HEXA: variants seen among roughly 807,000 people sequenced by gnomAD.
The protein encoded by HEXA is hexosaminidase subunit alpha.
In HEXA, 54 loss-of-function variants were observed where a neutral mutation model predicts 73.3. The ratio of observed to expected loss-of-function variants is 0.74; its 90% CI spans 0.59 to 0.92. HEXA has a LOEUF of 0.92. HEXA is among the 40% of genes least tolerant of loss of function. The pLI is 0.00. For missense variants in HEXA, 649 were observed against 653.0 expected, an observed-to-expected ratio of 0.99 and a Z score of 0.07; for synonymous variants, 230 against 246.9, an observed-to-expected ratio of 0.93 and a Z score of 0.64.
chr15:72,346,259 T>C lies in HEXA; in HGVS notation c.1397A>G (p.Asn466Ser), dbSNP rs200936836. 4.3e-5 allele frequency: 69 copies of C among 1,613,810 alleles called. No individual in the cohort carries two copies. The highest frequency in any genetic ancestry group is 1.2e-5 in the Non-Finnish European group (14 of 1,179,880). Residue 466 changes from asparagine to serine, a missense_variant, in exon 12 of 14, where the codon AAC becomes AGC. By Grantham distance (46) the Asn-to-Ser change is conservative. Coordinates refer to ENST00000268097, the MANE Select transcript of HEXA (RefSeq NM_000520.6). ...EACMWGEYVD[N>S]TNLVPRLWPR... The stretch of plus-strand genomic sequence containing the variant: ...CCAGAGCCTGGGGACCAGGTTTGTG[T>C]TGTCCACATATTCTCCCCACATACA...
chr15:72,370,448 G>A (rs542793918), intron 1 of HEXA: 17 of 392,290 alleles, frequency 4.3e-5, no homozygotes, highest in Middle Eastern at 6.4e-4. Context: ...CTCAGCACTC[G>A]GGGAGGCCGA....
intron 1 of HEXA, chr15:72,359,720 G>T (rs1463012765): frequency 4.5e-4 from 16 of 35,876 alleles, no homozygotes; most frequent in Non-Finnish European, 9.4e-4. Flanking sequence ...AAAAAAAAAA[G>T]AGTAGTACAT....
intron 1 of HEXA, among the ~76,000 whole-genome samples, chr15:72,367,445 G>A (rs1567304986): frequency 6.6e-6 from 1 of 152,070 alleles, no homozygotes. Flanking sequence ...AGTTTTCTCT[G>A]TCCTTACAGC....
intron 1 of HEXA, among the ~76,000 whole-genome samples, chr15:72,375,011 G>A (rs1374974089): frequency 6.6e-6 from 1 of 151,562 alleles, no homozygotes; most frequent in Non-Finnish European, 1.5e-5. Context: ...CCAAGTGGCC[G>A]CTGGAAACTC....
intron 1 of HEXA, among the ~76,000 whole-genome samples, chr15:72,366,714 A>G (rs1325684270): frequency 6.6e-6 from 1 of 151,888 alleles, no homozygotes; most frequent in East Asian, 1.9e-4. Context: ...GAACTAACCC[A>G]TGTTCTGGCT....
chr15:72,364,292 C>CA (rs1473124926), intron 1 of HEXA, among the ~76,000 whole-genome samples: 1 of 150,862 alleles, frequency 6.6e-6, no homozygotes, highest in Non-Finnish European at 1.5e-5. Context: ...AAACAAAAAA[C>CA]AAAAACAGAA....
At chr15:72,375,085 T>TGGG (rs58016062) in intron 1 of HEXA, among the ~76,000 whole-genome samples, 6 of 137,204 alleles carry the variant, frequency 4.4e-5, no homozygotes, top group African/African-American at 1.6e-4. Context: ...TTGTTTTGTT[T>TGGG]GGGGGGGGGG....
intron 6 of HEXA, 25 bp downstream of exon 6, chr15:72,351,108 T>C: frequency 7.0e-7 from 1 of 1,418,610 alleles, no homozygotes; most frequent in Non-Finnish European, 1.0e-6. Context: ...CCCATAAACT[T>C]GGTCTGAGTG....
intron 8 of HEXA, 59 bp from the exon 9 acceptor site, chr15:72,348,193 G>A (rs2140322251): frequency 8.4e-7 from 1 of 1,196,642 alleles, no homozygotes; most frequent in South Asian, 1.2e-5. Flanking sequence ...CTAATGCCTG[G>A]GGATTAGTCA....
chr15:72,346,514 T>G lies in HEXA; in HGVS notation c.1330+13A>C. 1 of 1,612,846 alleles carries G rather than the reference T, an allele frequency of 6.2e-7. No homozygotes were observed. Among genetic ancestry groups the G allele is most frequent in the Non-Finnish European group, 8.5e-7 (1 of 1,178,898 alleles). ...GCCTCCTTTGGTTAGCAAGGAGAGC[T>G]CTCTGCTTTCACCTTCAAATGCCAG... On this transcript the variant is annotated intron_variant, in intron 11 of 13. Transcript: ENST00000268097.
chr15:72,356,326 C>T (rs1452922475), intron 2 of HEXA, among the ~76,000 whole-genome samples, 199 bp downstream of exon 2: 1 of 152,158 alleles, frequency 6.6e-6, no homozygotes, highest in African/African-American at 2.4e-5. Context: ...TGTGATGTTC[C>T]ACAGCCAACC....
At position 72,375,751 on chromosome 15, in the gene HEXA, AC is replaced by A; in HGVS notation, c.221del (p.Gly74ValfsTer26). 1 of 1,614,198 alleles carries A rather than the reference AC, an allele frequency of 6.2e-7. No homozygotes were observed. Among genetic ancestry groups the A allele is most frequent in the East Asian group, 2.2e-5 (1 of 44,878 alleles). On this transcript the variant is annotated frameshift_variant, in exon 1 of 14. Transcript: ENST00000268097. LOFTEE classifies it high-confidence loss of function. ...GGTAAGGACGGGGCCAAGACCCGGA[AC>A]CGAAAAGCAGGTCACGATAGCGCTG... ...AFQRYRDLLF[G>X]SGSWPRPYLT... is the part of the protein sequence containing the mutation.
rs1013846505 is a variant in HEXA at position 72,355,681 on chromosome 15, T to C, written c.347-57A>G. 4 of 1,130,830 alleles carry C rather than the reference T, an allele frequency of 3.5e-6. No individual in the cohort carries two copies. In the African/African-American group the frequency reaches 4.6e-5, roughly 13 times the overall value. 70.0% of individuals were successfully genotyped at this position (1,130,830 alleles called of 1,614,324 possible). A position where few individuals can be genotyped will look rare whatever the true frequency, so the allele number is the denominator to read the frequency against. The stretch of plus-strand genomic sequence containing the variant: ...GTTAAGGTTTTCTATTCTCAGATTA[T>C]AGACCAGATATTCTATATAAATCAC... On this transcript the variant is annotated intron_variant, in intron 2 of 13. Coordinates refer to ENST00000268097, the MANE Select transcript of HEXA (RefSeq NM_000520.6).
At chr15:72,344,204 C>G in intron 13 of HEXA, 64 bp from the exon 14 acceptor site, 1 of 1,137,638 alleles carries the variant, frequency 8.8e-7, no homozygotes, top group Non-Finnish European at 1.3e-6. Context: ...CAACACTTTT[C>G]ACACCAGTCA....
At chr15:72,349,938 A>G (rs1435640463) in intron 7 of HEXA, among the ~76,000 whole-genome samples, 1 of 151,848 alleles carries the variant, frequency 6.6e-6, no homozygotes, top group Non-Finnish European at 1.5e-5. Flanking sequence ...TAATTTTTGT[A>G]TTTTTAGTAG....
At chr15:72,355,347 G>A in intron 3 of HEXA, 1 of 585,814 alleles carries the variant, frequency 1.7e-6, no homozygotes, top group South Asian at 1.8e-5. Flanking sequence ...GCAATATGGT[G>A]AAATCCCATC....
intron 3 of HEXA, chr15:72,355,204 C>T (rs759376063): frequency 2.6e-5 from 9 of 350,118 alleles, no homozygotes; most frequent in East Asian, 2.2e-4. Context: ...TCCACAGAGA[C>T]GGGAAAACAC....
intron 12 of HEXA, 158 bp from the exon 13 acceptor site, chr15:72,345,708 TC>T: frequency 5.9e-6 from 7 of 1,192,758 alleles, no homozygotes; most frequent in Non-Finnish European, 8.3e-6. Flanking sequence ...GTTGGATGGC[TC>T]CCAGAGAGTT....
intron 1 of HEXA, among the ~76,000 whole-genome samples, chr15:72,361,867 G>C (rs569340534): frequency 2.6e-4 from 40 of 152,316 alleles, no homozygotes; most frequent in African/African-American, 9.6e-4. Context: ...TCAGCCTCTT[G>C]TAATTTCTCA....
Sources: allele counts gnomAD v4.1 joint callset (sites outside exome capture counted in the v4.1 genomes callset), GRCh38; gene constraint gnomAD v4.1.1; transcripts MANE v1.5; gene names NCBI Gene and HGNC (gene_info 2026-07-23, HGNC 2026-07-21).